Variants in LRRIQ1 observed in about 807,000 individuals in gnomAD.
LRRIQ1 encodes the protein leucine-rich repeat- and IQ domain-containing protein 1.
LRRIQ1 carries 210 observed loss-of-function variants against 211.9 expected under a neutral mutation model. The ratio of observed to expected loss-of-function variants is 0.99; its 90% CI spans 0.89 to 1.11. LRRIQ1 has a LOEUF of 1.11. Ranked by LOEUF, LRRIQ1 falls within the 50% of genes most tolerant of loss-of-function variation. The pLI is 0.00. For synonymous variants in LRRIQ1, 699 were observed against 650.1 expected (o/e 1.08, Z -1.14); for missense variants, 2,136 against 1,939.5 (o/e 1.10, Z -1.90).
At chr12:85,237,143 G>A (rs1565921567) in intron 26 of LRRIQ1, among the ~76,000 whole-genome samples, 1 of 152,070 alleles carries the variant, frequency 6.6e-6, no homozygotes, top group South Asian at 2.1e-4. Context: ...GGGCTATGAT[G>A]TAGTATAGAC....
intron 23 of LRRIQ1, among the ~76,000 whole-genome samples, chr12:85,157,647 A>C (rs1367979383): frequency 6.6e-6 from 1 of 151,906 alleles, no homozygotes; most frequent in Non-Finnish European, 1.5e-5. Flanking sequence ...GAAAACATGC[A>C]GGGTCAATAA....
intron 11 of LRRIQ1, among the ~76,000 whole-genome samples, chr12:85,083,066 C>T (rs1849023565): frequency 6.6e-6 from 1 of 151,994 alleles, no homozygotes; most frequent in African/African-American, 2.4e-5. Context: ...TATTGAGATT[C>T]GGGATAAGAG....
chr12:85,212,503 A>G (rs1326430352), intron 24 of LRRIQ1, among the ~76,000 whole-genome samples: 2 of 152,102 alleles, frequency 1.3e-5, no homozygotes, highest in Admixed American at 6.6e-5. Flanking sequence ...TAAGAGGAGA[A>G]TATGTTGGTG....
chr12:85,113,912 T>C (rs1887372972), intron 15 of LRRIQ1, among the ~76,000 whole-genome samples: 1 of 134,842 alleles, frequency 7.4e-6, no homozygotes, highest in African/African-American at 2.6e-5. Flanking sequence ...GAGTTTTGTG[T>C]GTGTGTGTGT....
In LRRIQ1 at chr12:85,255,438, C is replaced by T. The variant is rs535691304; in HGVS notation, c.122-7477C>T. 2.6e-5 allele frequency among the ~76,000 whole-genome samples: 4 copies of T among 151,698 alleles called. No individual in the cohort carries two copies. In the East Asian group the frequency reaches 7.7e-4, roughly 29 times the overall value. ...AACTTCAATCCCACTCTAGATTTAT[C>T]TTTTTCCTCATATAAAAACAATAAA... On this transcript the variant is annotated intron_variant, in intron 1 of 1. Coordinates refer to the LRRIQ1 transcript ENST00000602731.
intron 11 of LRRIQ1, among the ~76,000 whole-genome samples, chr12:85,092,353 TA>T (rs1319753345): frequency 2.6e-5 from 4 of 152,196 alleles, no homozygotes; most frequent in African/African-American, 9.7e-5. Context: ...CTCATTATTT[TA>T]TTTATCATTT....
At chr12:85,199,635 G>C (rs1309489340) in intron 24 of LRRIQ1, among the ~76,000 whole-genome samples, 2 of 152,140 alleles carry the variant, frequency 1.3e-5, no homozygotes, top group Non-Finnish European at 2.9e-5. Flanking sequence ...TGCTGGGGGA[G>C]GCCTCAGGAT....
Position 85,126,328 on chromosome 12 carries a change from A to G in LRRIQ1, c.4008-1504A>G, listed in dbSNP as rs148712060. 3.9e-5 allele frequency among the ~76,000 whole-genome samples: 6 copies of G among 152,212 alleles called. No homozygotes were observed. In the East Asian group the frequency reaches 7.7e-4, roughly 20 times the overall value. ...CAGTTCGTGAAACTTGCATGTGTCTATAAAGAAATATAAGATACTGTCTCA... is the reference window on the plus strand; with the variant it reads ...CAGTTCGTGAAACTTGCATGTGTCTGTAAAGAAATATAAGATACTGTCTCA... On this transcript the variant is annotated intron_variant, in intron 17 of 26. Transcript: ENST00000393217.
chr12:85,106,558 A>G lies in LRRIQ1; in HGVS notation c.3320A>G (p.Tyr1107Cys), dbSNP rs777744124. Reference protein sequence around the residue: ...KSAIKWFDACYSLHELSLTGN... With the variant: ...KSAIKWFDACCSLHELSLTGN... The stretch of plus-strand genomic sequence containing the variant: ...GCCATAAAATGGTTTGATGCATGCT[A>G]TTCTCTCCATGAATTGTCTCTTACT... Residue 1107 changes from tyrosine (Y) to cysteine (C), a missense_variant, in exon 15 of 27, where the codon TAT (tyrosine) becomes TGT (cysteine). Transcript: ENST00000393217. The G allele has an allele frequency of 3.7e-6, 6 of 1,612,348 alleles. No homozygotes were observed. The Admixed American group carries it at 8.4e-5, about 23-fold the overall frequency.
the LRRIQ1 span, among the ~76,000 whole-genome samples, chr12:85,270,487 C>A: frequency 7.9e-5 from 12 of 152,072 alleles, no homozygotes; most frequent in Non-Finnish European, 1.5e-4. Flanking sequence ...AAATTTATTT[C>A]TCGTATGTGA....
chr12:85,093,719 G>C (rs372893645), intron 11 of LRRIQ1, among the ~76,000 whole-genome samples: 21 of 152,306 alleles, frequency 1.4e-4, no homozygotes, highest in African/African-American at 5.1e-4. Flanking sequence ...CAAGTCGGCA[G>C]ATAAAGTGAC....
In LRRIQ1 at chr12:85,226,350, C is replaced by T. The variant is rs140097205; in HGVS notation, c.4823-3167C>T. Reference sequence around the variant, plus strand: ...TGGGCTCAGTTGATCATCAGGGTCACTGAGTCATCACTGTTTTCTGTCACT... The same window carrying T: ...TGGGCTCAGTTGATCATCAGGGTCATTGAGTCATCACTGTTTTCTGTCACT... On this transcript the variant is annotated intron_variant, in intron 24 of 26. Coordinates refer to ENST00000393217, the MANE Select transcript of LRRIQ1 (RefSeq NM_001079910.2). Among the ~76,000 whole-genome samples, 618 of 152,202 alleles carry T rather than the reference C, an allele frequency of 4.1e-3. 2 individuals carry two copies. The highest frequency in any genetic ancestry group is 0.014 in the African/African-American group (588 of 41,526).
chr12:85,090,313 C>T (rs1382488190), intron 11 of LRRIQ1, among the ~76,000 whole-genome samples: 1 of 152,184 alleles, frequency 6.6e-6, no homozygotes, highest in Non-Finnish European at 1.5e-5. Context: ...AGGCCCGACA[C>T]AGTCTCTACT....
At position 85,124,474 on chromosome 12, in the gene LRRIQ1, A is replaced by G. The variant is rs1467976271; in HGVS notation, c.3962A>G (p.Asn1321Ser). ...CCATTTAAGGAAGTAGTAATGACAAATTCTTTGCTGAGGAATCACCAAAAT... is the reference window on the plus strand; with the variant it reads ...CCATTTAAGGAAGTAGTAATGACAAGTTCTTTGCTGAGGAATCACCAAAAT... ...RIPFKEVVMT[N>S]SLLRNHQNIE... is the part of the protein sequence containing the mutation. The change falls in exon 17 of 27, where the codon AAT (asparagine) becomes AGT (serine). Residue 1321 changes from asparagine to serine, a missense_variant. Physicochemically the swap from Asn to Ser is conservative, Grantham distance 46. Coordinates refer to ENST00000393217, the MANE Select transcript of LRRIQ1 (RefSeq NM_001079910.2). 1.2e-6 allele frequency: 2 copies of G among 1,613,524 alleles called. No homozygotes were observed. The highest frequency in any genetic ancestry group is 1.6e-4 in the Middle Eastern group (1 of 6,062).
intron 15 of LRRIQ1, among the ~76,000 whole-genome samples, chr12:85,110,841 A>G (rs943965522): frequency 6.6e-6 from 1 of 152,122 alleles, no homozygotes; most frequent in East Asian, 1.9e-4. Flanking sequence ...ACTGGGAAAT[A>G]CCATTGGAAG....
At chr12:85,082,344 G>C (rs928371363) in intron 11 of LRRIQ1, among the ~76,000 whole-genome samples, 14 of 152,046 alleles carry the variant, frequency 9.2e-5, no homozygotes, top group Non-Finnish European at 1.9e-4. Flanking sequence ...TGTCTTTGCG[G>C]TTATGCACCT....
downstream of LRRIQ1, among the ~76,000 whole-genome samples, chr12:85,265,666 A>C (rs1390434319): frequency 6.6e-6 from 1 of 152,004 alleles, no homozygotes; most frequent in Non-Finnish European, 1.5e-5. Flanking sequence ...ATCTCAGCTG[A>C]GATAAAGTGT....
chr12:85,097,359 A>G (rs1313693359), intron 11 of LRRIQ1, among the ~76,000 whole-genome samples: 1 of 151,984 alleles, frequency 6.6e-6, no homozygotes, highest in Non-Finnish European at 1.5e-5. Flanking sequence ...ACTGCCACAC[A>G]CTTTTAAACT....
chr12:85,160,251 G>A (rs188634847), intron 23 of LRRIQ1, among the ~76,000 whole-genome samples: 12 of 151,846 alleles, frequency 7.9e-5, no homozygotes, highest in African/African-American at 2.9e-4. Flanking sequence ...AAATACATTA[G>A]GGCAAAGAAA....
Sources: allele counts gnomAD v4.1 joint callset (sites outside exome capture counted in the v4.1 genomes callset), GRCh38; gene constraint gnomAD v4.1.1; transcripts MANE v1.5; gene names NCBI Gene and HGNC (gene_info 2026-07-23, HGNC 2026-07-21).